The following ADAMTS6 variants were observed in gnomAD, a reference collection of about 807,000 sequenced individuals.
ADAMTS6 encodes the protein A disintegrin and metalloproteinase with thrombospondin motifs 6.
In ADAMTS6, 23 loss-of-function variants were observed where a neutral mutation model predicts 144.3. That is an observed-to-expected ratio of 0.16 (90% CI 0.11 to 0.23). ADAMTS6 has a LOEUF of 0.23. Ranked by LOEUF, ADAMTS6 falls within the 10% of genes least tolerant of loss-of-function variation. The pLI is 1.00. For missense variants in ADAMTS6, 999 were observed against 1,379.6 expected, an observed-to-expected ratio of 0.72 and a Z score of 4.37; for synonymous variants, 444 against 457.5, an observed-to-expected ratio of 0.97 and a Z score of 0.38.
intron 7 of ADAMTS6, among the ~76,000 whole-genome samples, chr5:65,374,001 G>GA (rs1751250862): frequency 6.6e-6 from 1 of 152,046 alleles, no homozygotes; most frequent in African/African-American, 2.4e-5. Flanking sequence ...GAACCAAAGA[G>GA]AAAAACCACA....
intron 9 of ADAMTS6, among the ~76,000 whole-genome samples, chr5:65,325,228 G>GT (rs1468641133): frequency 1.3e-5 from 2 of 152,090 alleles, no homozygotes; most frequent in Non-Finnish European, 2.9e-5. Flanking sequence ...GTGGGACATG[G>GT]TTATACACCT....
At chr5:65,253,643 T>A (rs1760384783) in intron 14 of ADAMTS6, among the ~76,000 whole-genome samples, 1 of 151,992 alleles carries the variant, frequency 6.6e-6, no homozygotes, top group South Asian at 2.1e-4. Flanking sequence ...GGCTCACACA[T>A]AACAGACACC....
At chr5:65,333,739 G>A (rs182556614) in intron 8 of ADAMTS6, among the ~76,000 whole-genome samples, 9 of 150,612 alleles carry the variant, frequency 6.0e-5, no homozygotes, top group Admixed American at 1.3e-4. Context: ...TGATAACCTC[G>A]ATTTATAATT....
intron 16 of ADAMTS6, among the ~76,000 whole-genome samples, chr5:65,225,711 T>C (rs1446249825): frequency 1.3e-5 from 2 of 152,220 alleles, no homozygotes; most frequent in African/African-American, 4.8e-5. Flanking sequence ...CTATGAAATG[T>C]ATCAAATAAT....
chr5:65,411,407 A>C (rs1192308677), intron 7 of ADAMTS6, among the ~76,000 whole-genome samples: 4 of 152,160 alleles, frequency 2.6e-5, no homozygotes, highest in African/African-American at 9.7e-5. Context: ...TCTCTTAATA[A>C]ATTTTGAATA....
intron 24 of ADAMTS6, among the ~76,000 whole-genome samples, chr5:65,162,809 A>G (rs540468900): frequency 1.3e-5 from 2 of 152,322 alleles, no homozygotes; most frequent in East Asian, 1.9e-4. Flanking sequence ...ATTCTGAAAG[A>G]AAAAGAGAAC....
chr5:65,319,706 G>A (rs966193998), intron 9 of ADAMTS6, among the ~76,000 whole-genome samples: 2 of 53,728 alleles, frequency 3.7e-5, no homozygotes, highest in Non-Finnish European at 3.5e-5. Context: ...AAGGGAGGGA[G>A]GGAGGGAGGG....
intron 18 of ADAMTS6, among the ~76,000 whole-genome samples, chr5:65,220,074 G>A (rs1392975908): frequency 1.3e-5 from 2 of 152,078 alleles, no homozygotes; most frequent in Non-Finnish European, 2.9e-5. Context: ...AGCAGAATAT[G>A]CATTCTTCTC....
At chr5:65,440,686 A>G (rs1005387846) in intron 7 of ADAMTS6, among the ~76,000 whole-genome samples, 1 of 152,206 alleles carries the variant, frequency 6.6e-6, no homozygotes, top group Non-Finnish European at 1.5e-5. Flanking sequence ...ATTAGAGGTA[A>G]TAATGCCTAG....
intron 22 of ADAMTS6, among the ~76,000 whole-genome samples, chr5:65,175,257 T>G (rs1454806611): frequency 3.3e-5 from 4 of 121,458 alleles, no homozygotes; most frequent in Admixed American, 8.3e-5. Context: ...AAAGAGGGAG[T>G]CAAGGAGAGA....
At chr5:65,296,473 T>A (rs1485517511) in intron 10 of ADAMTS6, among the ~76,000 whole-genome samples, 1 of 152,180 alleles carries the variant, frequency 6.6e-6, no homozygotes, top group Admixed American at 6.6e-5. Flanking sequence ...ATCAAAGTTA[T>A]TATGGTTAGA....
intron 20 of ADAMTS6, among the ~76,000 whole-genome samples, chr5:65,203,609 T>G (rs1413520851): frequency 6.6e-6 from 1 of 152,168 alleles, no homozygotes; most frequent in East Asian, 1.9e-4. Context: ...CTTGAAATAT[T>G]TCAAATTTGA....
At chr5:65,434,134 A>T (rs1225631579) in intron 7 of ADAMTS6, among the ~76,000 whole-genome samples, 1 of 152,252 alleles carries the variant, frequency 6.6e-6, no homozygotes, top group Non-Finnish European at 1.5e-5. Flanking sequence ...ACAAGTAAAA[A>T]GAAGCCAGTT....
chr5:65,411,728 T>C (rs1409028490), intron 7 of ADAMTS6, among the ~76,000 whole-genome samples: 1 of 152,178 alleles, frequency 6.6e-6, no homozygotes, highest in Admixed American at 6.5e-5. Flanking sequence ...AGAAAAACAA[T>C]TTAGTCACTG....
At chr5:65,290,187 C>T (rs1389171592) in intron 11 of ADAMTS6, among the ~76,000 whole-genome samples, 3 of 152,092 alleles carry the variant, frequency 2.0e-5, no homozygotes, top group Non-Finnish European at 4.4e-5. Flanking sequence ...TGCAATGATA[C>T]AGTACAATAC....
intron 7 of ADAMTS6, among the ~76,000 whole-genome samples, chr5:65,427,450 T>C (rs898764107): frequency 6.6e-6 from 1 of 151,998 alleles, no homozygotes; most frequent in Admixed American, 6.6e-5. Flanking sequence ...GTTACAAATA[T>C]ATTATTTGGT....
At position 65,425,806 on chromosome 5, in the gene ADAMTS6, C is replaced by A. The variant is rs574477116; in HGVS notation, c.1073+25669G>T. ...TGAGACGGAGTCTCACTCTGTCCCC[C>A]AGGCTTGAGTGCAGTGGCGCGATGT... On this transcript the variant is annotated intron_variant, in intron 7 of 24. Coordinates refer to ENST00000381055, the MANE Select transcript of ADAMTS6 (RefSeq NM_197941.4). 7.9e-4 allele frequency among the ~76,000 whole-genome samples: 120 copies of A among 152,172 alleles called. 2 individuals carry two copies. Among genetic ancestry groups the A allele is most frequent in the African/African-American group, 2.7e-3 (114 of 41,528 alleles).
chr5:65,262,645 GAAGAAA>G (rs1348506407), intron 13 of ADAMTS6, among the ~76,000 whole-genome samples, 166 bp downstream of exon 13: 3 of 152,144 alleles, frequency 2.0e-5, no homozygotes, highest in South Asian at 4.1e-4. Flanking sequence ...AAAGGAAGAA[GAAGAAA>G]GTCTGTCTAA....
intron 20 of ADAMTS6, among the ~76,000 whole-genome samples, chr5:65,197,775 G>A (rs183437717): frequency 6.6e-6 from 1 of 152,236 alleles, no homozygotes; most frequent in East Asian, 1.9e-4. Flanking sequence ...GACCCCTGTT[G>A]ATTATACCAC....
Sources: allele counts gnomAD v4.1 joint callset (sites outside exome capture counted in the v4.1 genomes callset), GRCh38; gene constraint gnomAD v4.1.1; transcripts MANE v1.5; gene names NCBI Gene and HGNC (gene_info 2026-07-23, HGNC 2026-07-21).